The following HEATR6 variants were observed in gnomAD, a reference collection of about 807,000 sequenced individuals.
HEATR6 encodes HEAT repeat containing 6.
A neutral mutation model predicts 132.8 loss-of-function variants in HEATR6; 106 were observed. That is an observed-to-expected ratio of 0.80 (90% CI 0.68 to 0.94). HEATR6 has a LOEUF of 0.94. Among genes scored for constraint, HEATR6 ranks in the 40% least tolerant of loss-of-function variants. The pLI is 0.00. For synonymous variants in HEATR6, 529 were observed against 537.8 expected (o/e 0.98, Z 0.23); for missense variants, 1,339 against 1,425.1 (o/e 0.94, Z 0.97).
At chr17:60,069,960 A>C in intron 6 of HEATR6, 112 bp from the exon 7 acceptor site, 1 of 1,267,170 alleles carries the variant, frequency 7.9e-7, no homozygotes, top group Non-Finnish European at 1.1e-6. Flanking sequence ...CACAACACTC[A>C]TAGATAATGT....
rs764385587 is a variant in HEATR6 at position 60,057,211 on chromosome 17, G to T, written c.1916C>A (p.Thr639Lys). ...AGACCCCTTAGGTGAGCTAACTGACGTTTCTTCCAGAGAGGGTCCTGCAGG... is the reference window on the plus strand; with the variant it reads ...AGACCCCTTAGGTGAGCTAACTGACTTTTCTTCCAGAGAGGGTCCTGCAGG... The part of the protein sequence containing the change: ...KAPAGPSLEE[T>K]SVSSPKGSSE... Residue 639 changes from threonine to lysine, a missense_variant, in exon 12 of 20, where the codon ACG (threonine) becomes AAG (lysine). By Grantham distance (78) the Thr-to-Lys change is moderately conservative. Transcript: ENST00000184956. 1.9e-6 allele frequency: 3 copies of T among 1,614,182 alleles called. No individual in the cohort carries two copies. Among genetic ancestry groups the T allele is most frequent in the East Asian group, 2.2e-5 (1 of 44,884 alleles).
intron 17 of HEATR6, among the ~76,000 whole-genome samples, chr17:60,047,849 G>A (rs1023614516): frequency 1.3e-5 from 2 of 152,160 alleles, no homozygotes; most frequent in African/African-American, 4.8e-5. Context: ...CTACCTCTGG[G>A]GAGGGGAACT....
At chr17:60,045,297 C>A (rs1230659163) in intron 19 of HEATR6, among the ~76,000 whole-genome samples, 1 of 152,218 alleles carries the variant, frequency 6.6e-6, no homozygotes, top group Non-Finnish European at 1.5e-5. Context: ...CAGAGCCAGA[C>A]TCCCCTCACT....
At chr17:60,045,962 C>T in intron 19 of HEATR6, 63 bp downstream of exon 19, 1 of 1,192,432 alleles carries the variant, frequency 8.4e-7, no homozygotes, top group South Asian at 1.3e-5. Context: ...TCTTTAACAA[C>T]AACGTAGATT....
At chr17:60,067,760 TATA>T in intron 7 of HEATR6, 28 bp from the exon 8 acceptor site, 3 of 1,556,230 alleles carry the variant, frequency 1.9e-6, no homozygotes, top group Non-Finnish European at 2.6e-6. Flanking sequence ...TGAAGACATA[TATA>T]ATAACTACTT....
chr17:60,074,253 A>C, intron 2 of HEATR6: 1 of 339,258 alleles, frequency 2.9e-6, no homozygotes, highest in Non-Finnish European at 4.2e-6. Context: ...CAGTGAACCA[A>C]TATAACTGCT....
Position 60,050,880 on chromosome 17 carries a change from A to G in HEATR6, c.2387T>C (p.Leu796Pro). ...GAAGGCCTCTGGCAAGATGGAAGAC[A>G]GGGCATCACAGGCGCTCGCCTGGAG... Reference protein sequence around the residue: ...PTLQASACDALSSILPEAFSN... With the variant: ...PTLQASACDAPSSILPEAFSN... The change falls in exon 15 of 20, where the codon CTG becomes CCG. Residue 796 changes from leucine (L) to proline (P), a missense_variant. By Grantham distance (98) the Leu-to-Pro change is moderately conservative. Transcript: ENST00000184956. The G allele has an allele frequency of 1.2e-6, 2 of 1,614,226 alleles. No homozygotes were observed. Among genetic ancestry groups the G allele is most frequent in the Non-Finnish European group, 1.7e-6 (2 of 1,180,038 alleles).
chr17:60,077,730 T>C (rs2083303678), intron 1 of HEATR6, among the ~76,000 whole-genome samples: 1 of 152,158 alleles, frequency 6.6e-6, no homozygotes, highest in South Asian at 2.1e-4. Flanking sequence ...ATTCTGGCAT[T>C]GGAGGAATGA....
Position 60,070,748 on chromosome 17 carries a change from T to G in HEATR6, c.759A>C (p.Leu253=), listed in dbSNP as rs1362691152. 1 of 1,610,664 alleles carries G rather than the reference T, an allele frequency of 6.2e-7. No individual in the cohort carries two copies. Among genetic ancestry groups the G allele is most frequent in the Admixed American group, 1.7e-5 (1 of 60,022 alleles). The change falls in exon 6 of 20, where the codon CTA becomes CTC. Residue 253 remains leucine (L), a synonymous_variant. Coordinates refer to ENST00000184956, the MANE Select transcript of HEATR6 (RefSeq NM_022070.5). ...GTGCTCCAAGTTCATCAGTCTGTGT[T>G]AGTTTCATTCTCCCACCATTTAGAA... ...QSLLNGGRMK[L]TQTDELGALL... is the part of the protein sequence containing the mutation.
intron 7 of HEATR6, among the ~76,000 whole-genome samples, chr17:60,068,223 A>G (rs368575913): frequency 3.9e-4 from 59 of 152,302 alleles, no homozygotes; most frequent in African/African-American, 1.3e-3. Flanking sequence ...CCTGCACAGA[A>G]GAGACGGTAG....
intron 18 of HEATR6, among the ~76,000 whole-genome samples, chr17:60,047,089 C>G (rs1164438119): frequency 6.6e-6 from 1 of 151,474 alleles, no homozygotes. Context: ...TGTAGTATTA[C>G]AATGGGCACT....
Position 60,047,334 on chromosome 17 carries a change from A to G in HEATR6, c.2744T>C (p.Ile915Thr). ...CTTGTCTTTATCCTTGGATGCTTCT[A>G]TAGCTGATCGTAACATTTTCAAGAG... is the stretch of plus-strand genomic sequence containing the variant. ...LLLLKMLRSAIEASKDKDKVK... is the reference protein window; with the variant it reads ...LLLLKMLRSATEASKDKDKVK... Residue 915 changes from isoleucine (I) to threonine (T), a missense_variant, in exon 18 of 20, where the codon ATA becomes ACA. Physicochemically the swap from Ile to Thr is moderately conservative, Grantham distance 89 (BLOSUM62 -1). Transcript: ENST00000184956. The G allele has an allele frequency of 6.2e-7, 1 of 1,612,790 alleles. No individual in the cohort carries two copies. The highest frequency in any genetic ancestry group is 8.5e-7 in the Non-Finnish European group (1 of 1,179,200).
chr17:60,055,637 G>T (rs1906717566), intron 13 of HEATR6, 36 bp from the exon 14 acceptor site: 2 of 1,467,208 alleles, frequency 1.4e-6, no homozygotes, highest in African/African-American at 1.4e-5. Flanking sequence ...TGGAGCATCA[G>T]AACTAATGAA....
chr17:60,077,267 A>T (rs2083301634), intron 1 of HEATR6, among the ~76,000 whole-genome samples: 1 of 152,226 alleles, frequency 6.6e-6, no homozygotes, highest in African/African-American at 2.4e-5. Flanking sequence ...GATGAGGAGA[A>T]ATTTGCCAGA....
Position 60,062,095 on chromosome 17 carries a change from C to T in HEATR6, c.1417-1999G>A, listed in dbSNP as rs183477011. ...AAATTTGATACTATATCAAATTGTACTTCTCACAGTTCTGAGTTAATTTCC... is the reference window on the plus strand; with the variant it reads ...AAATTTGATACTATATCAAATTGTATTTCTCACAGTTCTGAGTTAATTTCC... On this transcript the variant is annotated intron_variant, in intron 9 of 19. Transcript: ENST00000184956. Among the ~76,000 whole-genome samples the T allele has an allele frequency of 7.2e-5, 11 of 152,310 alleles. No homozygotes were observed. In the East Asian group the frequency reaches 1.9e-3, roughly 27 times the overall value.
chr17:60,078,651 G>T (rs1307096967), intron 1 of HEATR6, 45 bp downstream of exon 1: 9 of 1,470,584 alleles, frequency 6.1e-6, no homozygotes, highest in Non-Finnish European at 8.2e-6. Flanking sequence ...CTGGGTTCCC[G>T]GAGGGGTGGG....
chr17:60,067,973 C>T (rs995055292), intron 7 of HEATR6, among the ~76,000 whole-genome samples: 3 of 152,346 alleles, frequency 2.0e-5, no homozygotes, highest in Non-Finnish European at 4.4e-5. Context: ...CAGTTAAACA[C>T]GTGGCCTGGG....
chr17:60,048,979 A>G (rs1349637478), intron 16 of HEATR6, among the ~76,000 whole-genome samples: 101 of 60,386 alleles, frequency 1.7e-3, no homozygotes, highest in African/African-American at 4.7e-3. Flanking sequence ...TAACATATAT[A>G]TATAATATAT....
intron 5 of HEATR6, among the ~76,000 whole-genome samples, chr17:60,071,337 T>C (rs1474125730): frequency 1.3e-5 from 2 of 152,238 alleles, no homozygotes; most frequent in African/African-American, 2.4e-5. Context: ...ATGTGAACTG[T>C]AGCCTTGTTT....
Sources: allele counts gnomAD v4.1 joint callset (sites outside exome capture counted in the v4.1 genomes callset), GRCh38; gene constraint gnomAD v4.1.1; transcripts MANE v1.5; gene names NCBI Gene and HGNC (gene_info 2026-07-23, HGNC 2026-07-21).